Variants in KCNQ5 observed in about 807,000 individuals in gnomAD.
KCNQ5 encodes potassium voltage-gated channel subfamily Q member 5, also known as potassium voltage-gated channel subfamily KQT member 5.
KCNQ5 carries 30 observed loss-of-function variants against 98.2 expected under a neutral mutation model. The ratio of observed to expected loss-of-function variants is 0.31; its 90% CI spans 0.23 to 0.41. The LOEUF is 0.41. Ranked by LOEUF, KCNQ5 falls within the 10% of genes least tolerant of loss-of-function variation. KCNQ5 has a pLI of 1.00. For missense variants in KCNQ5, 835 were observed against 1,182.5 expected (o/e 0.71, Z 4.31); for synonymous variants, 458 against 449.4 (o/e 1.02, Z -0.24).
intron 11 of KCNQ5, among the ~76,000 whole-genome samples, chr6:73,179,917 A>G (rs1038979880): frequency 6.6e-6 from 1 of 152,198 alleles, no homozygotes; most frequent in Non-Finnish European, 1.5e-5. Context: ...TGCCCAAGCA[A>G]TAGGATTTGT....
At chr6:72,756,693 T>C (rs188360715) in intron 1 of KCNQ5, among the ~76,000 whole-genome samples, 1 of 152,242 alleles carries the variant, frequency 6.6e-6, no homozygotes, top group Admixed American at 6.5e-5. Context: ...TGGTATCTGC[T>C]GATATTAACC....
At chr6:72,848,971 T>G (rs2150140306) in intron 1 of KCNQ5, among the ~76,000 whole-genome samples, 1 of 152,320 alleles carries the variant, frequency 6.6e-6, no homozygotes, top group Middle Eastern at 3.4e-3. Context: ...CAGGTATGTC[T>G]TTATTAACAG....
intron 1 of KCNQ5, among the ~76,000 whole-genome samples, chr6:72,979,753 G>A (rs1182951343): frequency 6.6e-6 from 1 of 152,154 alleles, no homozygotes; most frequent in Non-Finnish European, 1.5e-5. Flanking sequence ...CCTCGCCTGT[G>A]CCTATGTCCT....
intron 1 of KCNQ5, among the ~76,000 whole-genome samples, chr6:72,666,230 GAT>G (rs1325624659): frequency 6.6e-6 from 1 of 151,028 alleles, no homozygotes; most frequent in Admixed American, 6.6e-5. Flanking sequence ...AATAAAGAGA[GAT>G]ATACATCACG....
intron 1 of KCNQ5, among the ~76,000 whole-genome samples, chr6:72,643,668 C>A (rs561815764): frequency 6.6e-6 from 1 of 152,150 alleles, no homozygotes; most frequent in East Asian, 1.9e-4. Context: ...CTGGAGAGGC[C>A]AAAACACTTC....
chr6:72,971,474 G>C (rs1043459064), intron 1 of KCNQ5, among the ~76,000 whole-genome samples: 5 of 152,192 alleles, frequency 3.3e-5, no homozygotes, highest in African/African-American at 7.2e-5. Flanking sequence ...AATACCATTT[G>C]ACCCAGCCAT....
intron 1 of KCNQ5, among the ~76,000 whole-genome samples, chr6:72,670,497 A>G (rs774023675): frequency 3.9e-5 from 6 of 152,152 alleles, no homozygotes; most frequent in Middle Eastern, 6.8e-3. Context: ...GTACTTTTTT[A>G]CAGCTTTACC....
chr6:72,733,170 G>A (rs1353492423), intron 1 of KCNQ5, among the ~76,000 whole-genome samples: 1 of 152,060 alleles, frequency 6.6e-6, no homozygotes, highest in Admixed American at 6.6e-5. Context: ...ACTAAGCCAC[G>A]GTGAGTAGGG....
In KCNQ5 at chr6:72,686,717, G is replaced by GTTTTTTT. The variant is rs1554688157; in HGVS notation, c.398+64144_398+64150dup. On this transcript the variant is annotated intron_variant, in intron 1 of 13. Coordinates refer to ENST00000370398, the MANE Select transcript of KCNQ5 (RefSeq NM_019842.4). ...TTTAGTTTGAGAATCTTTATGGGTTGTTTTTTTTTTTTTTTTTTTTACTTT... is the reference window on the plus strand; with the variant it reads ...TTTAGTTTGAGAATCTTTATGGGTTGTTTTTTTTTTTTTTTTTTTTTTTTTTTACTTT... Among the ~76,000 whole-genome samples the GTTTTTTT allele has an allele frequency of 4.9e-3, 479 of 96,836 alleles. 1 individual carries two copies. Among genetic ancestry groups the GTTTTTTT allele is most frequent in the East Asian group, 0.015 (54 of 3,572 alleles). The allele number at this position is 96,836 out of a possible 152,430, so 63.5% of individuals were successfully genotyped here.
intron 3 of KCNQ5, among the ~76,000 whole-genome samples, chr6:73,062,439 A>T (rs1159612612): frequency 6.6e-6 from 1 of 152,160 alleles, no homozygotes; most frequent in African/African-American, 2.4e-5. Flanking sequence ...GGCCACAATG[A>T]ATGTGTATTG....
intron 1 of KCNQ5, among the ~76,000 whole-genome samples, chr6:72,794,781 G>C (rs1774244315): frequency 6.6e-6 from 1 of 152,158 alleles, no homozygotes; most frequent in Non-Finnish European, 1.5e-5. Flanking sequence ...GTTCAGAGGA[G>C]AGAGTACCTG....
At chr6:72,672,638 C>A (rs549739537) in intron 1 of KCNQ5, among the ~76,000 whole-genome samples, 1 of 152,124 alleles carries the variant, frequency 6.6e-6, no homozygotes, top group African/African-American at 2.4e-5. Flanking sequence ...CTTCAATTTC[C>A]TCATCTGAGG....
chr6:72,946,311 T>C (rs1311876285), intron 1 of KCNQ5, among the ~76,000 whole-genome samples: 2 of 152,196 alleles, frequency 1.3e-5, no homozygotes, highest in Admixed American at 1.3e-4. Flanking sequence ...ATGATTCTAT[T>C]AAAAGGAATA....
intron 2 of KCNQ5, among the ~76,000 whole-genome samples, chr6:73,014,128 A>G (rs1770206421): frequency 6.6e-6 from 1 of 152,050 alleles, no homozygotes; most frequent in African/African-American, 2.4e-5. Flanking sequence ...TTTTGATTTC[A>G]TTAGCCAAAG....
At chr6:73,163,422 T>C (rs1489730211) in intron 10 of KCNQ5, among the ~76,000 whole-genome samples, 3 of 151,766 alleles carry the variant, frequency 2.0e-5, no homozygotes, top group East Asian at 3.9e-4. Flanking sequence ...TCAATAACCA[T>C]ACATCTGGTA....
intron 2 of KCNQ5, among the ~76,000 whole-genome samples, chr6:73,039,552 T>A (rs1771597686): frequency 6.6e-6 from 1 of 152,190 alleles, no homozygotes; most frequent in African/African-American, 2.4e-5. Flanking sequence ...TTTTTAAAAA[T>A]TTTTGAGACT....
chr6:72,627,308 G>T lies in KCNQ5; in HGVS notation c.398+4721G>T, dbSNP rs766923431. Among the ~76,000 whole-genome samples the T allele has an allele frequency of 4.0e-4, 61 of 152,128 alleles. 1 individual carries two copies. Among genetic ancestry groups the T allele is most frequent in the Admixed American group, 2.6e-4 (4 of 15,280 alleles). ...TATATAGAGTGAGTGAGGGCATAGT[G>T]GAGGCTAGAGACTGGGGAACACCAA... On this transcript the variant is annotated intron_variant, in intron 1 of 13. Transcript: ENST00000370398.
intron 3 of KCNQ5, among the ~76,000 whole-genome samples, chr6:73,048,271 C>T (rs966442792): frequency 1.3e-5 from 2 of 152,098 alleles, no homozygotes; most frequent in African/African-American, 4.8e-5. Flanking sequence ...AAGAAGCCAG[C>T]CATGAGGAGG....
At chr6:72,625,361 G>A (rs143944036) in intron 1 of KCNQ5, among the ~76,000 whole-genome samples, 38 of 152,192 alleles carry the variant, frequency 2.5e-4, no homozygotes, top group African/African-American at 8.4e-4. Context: ...GGAGATCCTT[G>A]CCCTTACTAT....
Sources: gnomAD v4.1 joint callset for allele counts (sites outside exome capture counted in the v4.1 genomes callset) on GRCh38, gnomAD v4.1.1 for gene constraint, MANE v1.5 for transcripts, NCBI Gene and HGNC (gene_info 2026-07-23, HGNC 2026-07-21) for gene names.